The following THAP1 variants were observed in gnomAD, a reference collection of about 807,000 sequenced individuals.
THAP1 encodes THAP domain-containing protein 1.
In THAP1, 6 loss-of-function variants were observed where a neutral mutation model predicts 18.2. That is an observed-to-expected ratio of 0.33 (90% CI 0.18 to 0.65). The LOEUF (loss-of-function observed/expected upper bound fraction) is 0.65. Ranked by LOEUF, THAP1 falls within the 30% of genes least tolerant of loss-of-function variation. THAP1 has a pLI of 0.74. For synonymous variants in THAP1, 85 were observed against 90.5 expected, an observed-to-expected ratio of 0.94 and a Z score of 0.34; for missense variants, 176 against 253.0, an observed-to-expected ratio of 0.70 and a Z score of 2.06.
chr8:42,842,810 G>A (rs1468825781), intron 1 of THAP1: 2 of 212,856 alleles, frequency 9.4e-6, no homozygotes, highest in Admixed American at 1.2e-4. Flanking sequence ...CCTGTTCCAG[G>A]AGCGCGAGAA....
chr8:42,840,056 G>T (rs759898336), intron 1 of THAP1, among the ~76,000 whole-genome samples: 2 of 152,156 alleles, frequency 1.3e-5, no homozygotes, highest in African/African-American at 4.8e-5. Flanking sequence ...AATTAGCTGG[G>T]CATGGTGGTA....
Position 42,838,167 on chromosome 8 carries a change from C to T in THAP1, c.437G>A (p.Arg146Gln), listed in dbSNP as rs749882767. ...CTGTTCTAGCTGATGAATCCTTTTCCGCTGGTGCATTGTATCCTCCACAGT... is the reference window on the plus strand; with the variant it reads ...CTGTTCTAGCTGATGAATCCTTTTCTGCTGGTGCATTGTATCCTCCACAGT... Reference protein sequence around the residue: ...NYTVEDTMHQRKRIHQLEQQV... With the variant: ...NYTVEDTMHQQKRIHQLEQQV... The change falls in exon 3 of 3, where the codon CGG (arginine) becomes CAG (glutamine). Residue 146 changes from arginine (R) to glutamine (Q), a missense_variant. By Grantham distance (43) the Arg-to-Gln change is conservative. Transcript: ENST00000254250. 17 of 1,613,936 alleles carry T rather than the reference C, an allele frequency of 1.1e-5. No homozygotes were observed. The East Asian group carries it at 1.6e-4, about 15-fold the overall frequency.
chr8:42,837,930 C>T lies in THAP1; in HGVS notation c.*32G>A, dbSNP rs768826037. 5.6e-6 allele frequency: 9 copies of T among 1,605,866 alleles called. No individual in the cohort carries two copies. The highest frequency in any genetic ancestry group is 1.7e-4 in the Middle Eastern group (1 of 6,054). The stretch of plus-strand genomic sequence containing the variant: ...GGCTAGAGGAGGATATGTGGTATTG[C>T]CCCATTAGAAATCAATACACATTTC... On this transcript the variant is annotated 3_prime_UTR_variant, in exon 3 of 3. Coordinates refer to ENST00000254250, the MANE Select transcript of THAP1 (RefSeq NM_018105.3).
At chr8:42,842,606 C>CA (rs1802740251) in intron 1 of THAP1, 2 of 152,438 alleles carry the variant, frequency 1.3e-5, no homozygotes, top group Admixed American at 1.3e-4. Context: ...GGCCTCCCAT[C>CA]CACGGCAAGG....
At chr8:42,842,885 T>G in intron 1 of THAP1, 139 bp downstream of exon 1, 2 of 621,618 alleles carry the variant, frequency 3.2e-6, no homozygotes, top group Non-Finnish European at 2.1e-6. Flanking sequence ...CGGGACGCGG[T>G]GGGAAACGCC....
chr8:42,841,803 G>A (rs1474086292), intron 1 of THAP1, among the ~76,000 whole-genome samples: 2 of 152,028 alleles, frequency 1.3e-5, no homozygotes, highest in Admixed American at 6.6e-5. Flanking sequence ...ATAATATTAG[G>A]ATATCCTGAA....
intron 1 of THAP1, 87 bp downstream of exon 1, chr8:42,842,937 C>A (rs569336455): frequency 1.8e-6 from 2 of 1,118,936 alleles, no homozygotes; most frequent in African/African-American, 3.3e-5. Context: ...CTCGCGCGGA[C>A]ACGCGCCTGG....
At chr8:42,840,921 C>T (rs192149179) in intron 1 of THAP1, among the ~76,000 whole-genome samples, 159 of 142,428 alleles carry the variant, frequency 1.1e-3, no homozygotes, top group African/African-American at 3.5e-3. Flanking sequence ...GAGCTGAGAT[C>T]GTGCCACTGC....
chr8:42,840,465 C>T (rs1442455644), intron 1 of THAP1, among the ~76,000 whole-genome samples: 1 of 152,100 alleles, frequency 6.6e-6, no homozygotes, highest in African/African-American at 2.4e-5. Flanking sequence ...TTTACTCTTC[C>T]AAGTTAAGAA....
chr8:42,838,988 G>C (rs1468599131), intron 2 of THAP1, among the ~76,000 whole-genome samples, 198 bp downstream of exon 2: 1 of 152,148 alleles, frequency 6.6e-6, no homozygotes, highest in Non-Finnish European at 1.5e-5. Context: ...AAGTTACAAA[G>C]CTGGACTAAG....
At chr8:42,840,828 G>T (rs1324368047) in intron 1 of THAP1, among the ~76,000 whole-genome samples, 1 of 151,996 alleles carries the variant, frequency 6.6e-6, no homozygotes, top group African/African-American at 2.4e-5. Flanking sequence ...TTAGCTGGGC[G>T]TGGTGGTGCA....
chr8:42,839,050 G>T, intron 2 of THAP1, 136 bp downstream of exon 2: 1 of 901,070 alleles, frequency 1.1e-6, no homozygotes, highest in Non-Finnish European at 1.8e-6. Context: ...TGTGTTTTCA[G>T]AAGTGTATCA....
chr8:42,843,003 C>T (rs1177749583), intron 1 of THAP1, 21 bp downstream of exon 1: 2 of 1,603,578 alleles, frequency 1.2e-6, no homozygotes, highest in Middle Eastern at 1.7e-4. Context: ...ACCGGCCCCG[C>T]GAGGCGCGCA....
rs569336455 is a variant in THAP1, at chr8:42,842,937, C to G, written c.71+87G>C. ...AGACCCCACCCGCCCCTCGCGCGGA[C>G]ACGCGCCTGGCTCCGCCCCCGGCCC... On this transcript the variant is annotated intron_variant, in intron 1 of 2. Coordinates refer to ENST00000254250, the MANE Select transcript of THAP1 (RefSeq NM_018105.3). The G allele has an allele frequency of 1.9e-4, 208 of 1,119,046 alleles. 1 individual carries two copies. In the African/African-American group the frequency reaches 3.2e-3, roughly 17 times the overall value. The allele number at this position is 1,119,046 out of a possible 1,614,324, so 69.3% of individuals were successfully genotyped here. A position where few individuals can be genotyped will look rare whatever the true frequency, so the allele number is the denominator to read the frequency against.
At chr8:42,841,491 G>A (rs372103443) in intron 1 of THAP1, among the ~76,000 whole-genome samples, 1 of 152,130 alleles carries the variant, frequency 6.6e-6, no homozygotes, top group South Asian at 2.1e-4. Flanking sequence ...ATTTTGCCAT[G>A]TTGGCCAGGC....
chr8:42,839,423 A>C (rs750569333), intron 1 of THAP1, 42 bp from the exon 2 acceptor site: 1 of 1,609,742 alleles, frequency 6.2e-7, no homozygotes, highest in Non-Finnish European at 8.5e-7. Context: ...CTGATTTTTT[A>C]AATAAATAAA....
At position 42,839,391 on chromosome 8, in the gene THAP1, A is replaced by G. The variant is rs761006483; in HGVS notation, c.72-10T>C. On this transcript the variant is annotated splice_polypyrimidine_tract_variant and intron_variant, in intron 1 of 2. Coordinates refer to ENST00000254250, the MANE Select transcript of THAP1 (RefSeq NM_018105.3). ...TCGAGTAAGAGGAAACCTAAGAAGA[A>G]GGCATAATTCAATTATCTGTCCTGA... The G allele has an allele frequency of 8.7e-6, 14 of 1,613,748 alleles. No homozygotes were observed. In the Admixed American group the frequency reaches 1.0e-4, roughly 12 times the overall value.
chr8:42,843,234 G>T lies in THAP1; in HGVS notation c.-140C>A. 2 of 997,856 alleles carry T rather than the reference G, an allele frequency of 2.0e-6. No homozygotes were observed. The highest frequency in any genetic ancestry group is 2.5e-5 in the East Asian group (1 of 39,484). The allele number at this position is 997,856 out of a possible 1,614,324, so 61.8% of individuals were successfully genotyped here. On this transcript the variant is annotated 5_prime_UTR_variant, in exon 1 of 3. Coordinates refer to ENST00000254250, the MANE Select transcript of THAP1 (RefSeq NM_018105.3). The stretch of plus-strand genomic sequence containing the variant: ...TTACAGTGATGGTGGCCTCCCTCGG[G>T]GGTGACTAGTGTGCCCGTTTTGTTG...
chr8:42,838,027 C>T lies in THAP1; in HGVS notation c.577G>A (p.Val193Ile), dbSNP rs756694303. 238 of 1,613,654 alleles carry T rather than the reference C, an allele frequency of 1.5e-4. No homozygotes were observed. In the Admixed American group the frequency reaches 3.7e-3, roughly 25 times the overall value. ...VVHFQKEKDD[V>I]SERGYVILPN... Reference sequence around the variant, plus strand: ...AGAATCACATAACCTCTTTCTGATACGTCGTCTTTCTCTTTCTGGAAGTGA... The same window carrying T: ...AGAATCACATAACCTCTTTCTGATATGTCGTCTTTCTCTTTCTGGAAGTGA... The change falls in exon 3 of 3, where the codon GTA (valine) becomes ATA (isoleucine). Residue 193 changes from valine to isoleucine, a missense_variant. By Grantham distance (29) the Val-to-Ile change is conservative (BLOSUM62 3). Transcript: ENST00000254250.
Sources: gnomAD v4.1 joint callset for allele counts (sites outside exome capture counted in the v4.1 genomes callset) on GRCh38, gnomAD v4.1.1 for gene constraint, MANE v1.5 for transcripts, NCBI Gene and HGNC (gene_info 2026-07-23, HGNC 2026-07-21) for gene names.